Variants in EPHA6 observed in about 807,000 individuals in gnomAD.
The protein encoded by EPHA6 is EPH receptor A6, also known as ephrin type-A receptor 6.
A neutral mutation model predicts 112.0 loss-of-function variants in EPHA6; 50 were observed. The ratio of observed to expected loss-of-function variants is 0.45; its 90% CI spans 0.36 to 0.56. EPHA6 has a LOEUF of 0.56. EPHA6 is among the 20% of genes least tolerant of loss of function. The pLI is 0.00. For synonymous variants in EPHA6, 529 were observed against 490.7 expected (o/e 1.08, Z -1.03); for missense variants, 1,280 against 1,417.4 (o/e 0.90, Z 1.56).
chr3:97,720,154 TA>T, intron 14 of EPHA6, 106 bp from the exon 15 acceptor site: 1 of 871,804 alleles, frequency 1.1e-6, no homozygotes, highest in Non-Finnish European at 1.6e-6. Context: ...ATGCCAGTGC[TA>T]TTATGAAGTA....
intron 5 of EPHA6, among the ~76,000 whole-genome samples, chr3:97,313,982 C>T (rs1467332623): frequency 6.6e-6 from 1 of 151,426 alleles, no homozygotes; most frequent in African/African-American, 2.4e-5. Context: ...AGCTTTCTTC[C>T]TATGTTTTCT....
intron 1 of EPHA6, among the ~76,000 whole-genome samples, chr3:96,838,607 A>G (rs910410625): frequency 1.3e-5 from 2 of 152,102 alleles, no homozygotes; most frequent in South Asian, 2.1e-4. Flanking sequence ...ATAATTTTCT[A>G]TAATTCAAAT....
chr3:97,456,897 G>GC (rs1388402953), intron 7 of EPHA6, among the ~76,000 whole-genome samples: 1 of 151,938 alleles, frequency 6.6e-6, no homozygotes, highest in Non-Finnish European at 1.5e-5. Context: ...ATTTCAAATT[G>GC]CCCCAAATTT....
chr3:96,887,152 G>A (rs1417702374), intron 2 of EPHA6, among the ~76,000 whole-genome samples: 1 of 152,016 alleles, frequency 6.6e-6, no homozygotes, highest in African/African-American at 2.4e-5. Flanking sequence ...GGGGGGGCGA[G>A]GTTGAAGAGC....
At chr3:97,644,436 A>G (rs1157438018) in intron 14 of EPHA6, among the ~76,000 whole-genome samples, 1 of 151,094 alleles carries the variant, frequency 6.6e-6, no homozygotes, top group East Asian at 2.0e-4. Context: ...AATAACTAAG[A>G]TCAGAGCAGA....
chr3:97,329,430 C>G (rs952929218), intron 5 of EPHA6, among the ~76,000 whole-genome samples: 59 of 150,260 alleles, frequency 3.9e-4, no homozygotes, highest in Admixed American at 9.9e-4. Context: ...TACAGTCCCA[C>G]CAACAGTGTA....
intron 5 of EPHA6, among the ~76,000 whole-genome samples, chr3:97,296,522 T>C (rs973489466): frequency 6.6e-6 from 1 of 152,148 alleles, no homozygotes; most frequent in Non-Finnish European, 1.5e-5. Context: ...TGCAAGTACA[T>C]AGGAGCCATC....
At chr3:97,665,866 G>T (rs559453577) in intron 14 of EPHA6, among the ~76,000 whole-genome samples, 1 of 152,110 alleles carries the variant, frequency 6.6e-6, no homozygotes, top group Non-Finnish European at 1.5e-5. Context: ...CACCAATCTG[G>T]CCAACATAGT....
At chr3:96,963,758 T>C (rs2042027679) in intron 2 of EPHA6, among the ~76,000 whole-genome samples, 1 of 152,198 alleles carries the variant, frequency 6.6e-6, no homozygotes, top group Admixed American at 6.5e-5. Flanking sequence ...TGATCTCTGC[T>C]ACACATGTTT....
chr3:97,368,059 T>C (rs1274911892), intron 5 of EPHA6, among the ~76,000 whole-genome samples: 2 of 152,188 alleles, frequency 1.3e-5, no homozygotes, highest in Non-Finnish European at 2.9e-5. Context: ...ATTTACATGT[T>C]CTTTATTTGA....
At chr3:97,491,820 C>G (rs9840531) in intron 10 of EPHA6, among the ~76,000 whole-genome samples, 10,327 of 151,852 alleles carry the variant, frequency 0.068, 1,100 homozygotes, top group African/African-American at 0.23. Context: ...ATCCCACAGC[C>G]ACCATGTGTT....
chr3:96,961,075 G>A (rs1441570130), intron 2 of EPHA6, among the ~76,000 whole-genome samples: 1 of 152,146 alleles, frequency 6.6e-6, no homozygotes, highest in Non-Finnish European at 1.5e-5. Context: ...TGTAATGGTT[G>A]ACCTAGAAGT....
chr3:97,199,864 C>T (rs909851071), intron 3 of EPHA6, among the ~76,000 whole-genome samples: 2 of 152,010 alleles, frequency 1.3e-5, no homozygotes, highest in African/African-American at 4.8e-5. Context: ...TGGCTATTGT[C>T]GGATGCTGGG....
At chr3:97,422,607 C>T (rs1202949119) in intron 6 of EPHA6, among the ~76,000 whole-genome samples, 1 of 152,130 alleles carries the variant, frequency 6.6e-6, no homozygotes, top group Non-Finnish European at 1.5e-5. Flanking sequence ...ATCTACAGAG[C>T]ATCCACTGAA....
chr3:97,368,593 C>T (rs1048047076), intron 5 of EPHA6, among the ~76,000 whole-genome samples: 2 of 151,988 alleles, frequency 1.3e-5, no homozygotes, highest in Admixed American at 6.6e-5. Context: ...ACTTATTTAT[C>T]GAAGAATTTA....
chr3:97,302,818 A>C (rs932477266), intron 5 of EPHA6, among the ~76,000 whole-genome samples: 7 of 151,928 alleles, frequency 4.6e-5, no homozygotes, highest in Non-Finnish European at 7.4e-5. Context: ...TATTCAATGG[A>C]AATATTTCTC....
chr3:97,503,687 G>A (rs569219982), intron 10 of EPHA6, among the ~76,000 whole-genome samples: 20 of 152,064 alleles, frequency 1.3e-4, no homozygotes, highest in East Asian at 9.6e-4. Flanking sequence ...TAATTTTGTC[G>A]CCATTCCCCT....
intron 11 of EPHA6, among the ~76,000 whole-genome samples, chr3:97,558,214 A>G (rs749607684): frequency 2.6e-5 from 4 of 152,006 alleles, no homozygotes; most frequent in Admixed American, 1.3e-4. Context: ...TGGATGGAAG[A>G]TCCTTTTCCA....
chr3:97,707,194 C>A (rs561252925), intron 14 of EPHA6, among the ~76,000 whole-genome samples: 1 of 152,112 alleles, frequency 6.6e-6, no homozygotes, highest in East Asian at 1.9e-4. Flanking sequence ...TTTCATTTTA[C>A]ACCACTTTCC....
Sources: gnomAD v4.1 joint callset for allele counts (sites outside exome capture counted in the v4.1 genomes callset) on GRCh38, gnomAD v4.1.1 for gene constraint, MANE v1.5 for transcripts, NCBI Gene and HGNC (gene_info 2026-07-23, HGNC 2026-07-21) for gene names.